GALNT18: variants seen among roughly 807,000 people sequenced by gnomAD.
The protein encoded by GALNT18 is GalNAc-transferase 18.
In GALNT18, 44 loss-of-function variants were observed where a neutral mutation model predicts 69.5. The observed-to-expected ratio is 0.63, with a 90% confidence interval of 0.50 to 0.81. GALNT18 has a LOEUF of 0.81. GALNT18 is among the 40% of genes least tolerant of loss of function. The pLI, the probability that GALNT18 is intolerant of heterozygous loss-of-function variation, is 0.00. For synonymous variants in GALNT18, 364 were observed against 318.2 expected, an observed-to-expected ratio of 1.14 and a Z score of -1.53; for missense variants, 715 against 810.0, an observed-to-expected ratio of 0.88 and a Z score of 1.42.
At position 11,435,498 on chromosome 11, in the gene GALNT18, C is replaced by T. The variant is rs951238783; in HGVS notation, c.429-2711G>A. ...GTTTTCATAAGAAAACTCATTTGAACATAGCTGAACACATTCTCTAGGGCA... is the reference window on the plus strand; with the variant it reads ...GTTTTCATAAGAAAACTCATTTGAATATAGCTGAACACATTCTCTAGGGCA... On this transcript the variant is annotated intron_variant, in intron 2 of 10. Coordinates refer to ENST00000227756, the MANE Select transcript of GALNT18 (RefSeq NM_198516.3). This position sits in a 1 kb window ranked among gnomAD's most constrained non-coding sequence, Gnocchi z 4.4. Among the ~76,000 whole-genome samples, 2 of 152,174 alleles carry T rather than the reference C, an allele frequency of 1.3e-5. No homozygotes were observed. Among genetic ancestry groups the T allele is most frequent in the African/African-American group, 4.8e-5 (2 of 41,448 alleles).
intron 1 of GALNT18, among the ~76,000 whole-genome samples, chr11:11,524,799 T>A (rs750058942): frequency 2.0e-5 from 3 of 152,236 alleles, no homozygotes; most frequent in African/African-American, 7.2e-5. Flanking sequence ...CATTGTCTAG[T>A]GAACAAACGA....
intron 3 of GALNT18, among the ~76,000 whole-genome samples, chr11:11,398,943 A>G (rs1854395197): frequency 6.6e-6 from 1 of 152,176 alleles, no homozygotes; most frequent in African/African-American, 2.4e-5. Flanking sequence ...AGAGGATAGC[A>G]GGTGCACAGG....
intron 1 of GALNT18, among the ~76,000 whole-genome samples, chr11:11,452,282 C>T (rs1413014959): frequency 1.3e-5 from 2 of 152,220 alleles, no homozygotes; most frequent in African/African-American, 4.8e-5. Flanking sequence ...CAGTTTGGTC[C>T]ACCTCACCCT....
chr11:11,397,724 G>A (rs1854367163), intron 3 of GALNT18, among the ~76,000 whole-genome samples: 1 of 150,618 alleles, frequency 6.6e-6, no homozygotes, highest in Non-Finnish European at 1.5e-5. Context: ...ACCTGCTTCA[G>A]CCTCCCAAAG....
At chr11:11,488,580 G>T (rs1856691777) in intron 1 of GALNT18, among the ~76,000 whole-genome samples, 1 of 152,180 alleles carries the variant, frequency 6.6e-6, no homozygotes, top group African/African-American at 2.4e-5. Context: ...ACATAGGGTT[G>T]TTTGGAGAGT....
chr11:11,553,319 C>G (rs1165184148), intron 1 of GALNT18, among the ~76,000 whole-genome samples: 1 of 152,196 alleles, frequency 6.6e-6, no homozygotes, highest in Non-Finnish European at 1.5e-5. Flanking sequence ...TGCAGGATTT[C>G]AGAAGACCCA....
intron 1 of GALNT18, among the ~76,000 whole-genome samples, chr11:11,589,631 C>T (rs191956927): frequency 2.2e-4 from 34 of 152,080 alleles, no homozygotes; most frequent in Admixed American, 9.8e-4. Context: ...TACAACAAGA[C>T]TCACAGCCTT....
chr11:11,380,000 G>T lies in GALNT18; in HGVS notation c.596-736C>A, dbSNP rs546677197. ...ACCTTTTTCATAGCAGCTAAGGCAA[G>T]AGCCCATGACAGCCCTCACAGTTGG... On this transcript the variant is annotated intron_variant, in intron 3 of 10. Transcript: ENST00000227756. 4.6e-5 allele frequency among the ~76,000 whole-genome samples: 7 copies of T among 152,364 alleles called. No homozygotes were observed. The South Asian group carries it at 1.0e-3, about 23-fold the overall frequency.
At position 11,372,541 on chromosome 11, in the gene GALNT18, C is replaced by T; in HGVS notation, c.1066G>A (p.Gly356Ser). The change falls in exon 6 of 11, where the codon GGC becomes AGC. Residue 356 changes from glycine to serine, a missense_variant. Transcript: ENST00000227756. This position sits in a 1 kb window ranked among gnomAD's most constrained non-coding sequence, Gnocchi z 4.9. ...LLDEGMEVYG[G>S]ENVELGIRVW... The stretch of plus-strand genomic sequence containing the variant: ...CTGATCCCAAGCTCCACATTCTCGC[C>T]CCCGTAGACTTCCATGCCTTCGTCC... 6.2e-7 allele frequency: 1 copy of T among 1,614,222 alleles called. No individual in the cohort carries two copies. The highest frequency in any genetic ancestry group is 8.5e-7 in the Non-Finnish European group (1 of 1,180,020).
chr11:11,317,020 G>A (rs938602432), intron 9 of GALNT18, among the ~76,000 whole-genome samples: 3 of 152,218 alleles, frequency 2.0e-5, no homozygotes, highest in Non-Finnish European at 4.4e-5. Flanking sequence ...ACTATTGTAT[G>A]TTTCCCACCA....
At chr11:11,416,481 G>C (rs1854859735) in intron 3 of GALNT18, among the ~76,000 whole-genome samples, 1 of 152,120 alleles carries the variant, frequency 6.6e-6, no homozygotes, top group South Asian at 2.1e-4. Context: ...ATTTGGCATG[G>C]AGCTCATGTA....
chr11:11,397,080 C>T (rs995994552), intron 3 of GALNT18, among the ~76,000 whole-genome samples: 12 of 152,016 alleles, frequency 7.9e-5, no homozygotes, highest in Admixed American at 2.6e-4. Flanking sequence ...TTGCCTTTTT[C>T]GGGGTATTTA....
intron 10 of GALNT18, among the ~76,000 whole-genome samples, chr11:11,287,924 T>C (rs1214484784): frequency 6.6e-6 from 1 of 152,130 alleles, no homozygotes; most frequent in African/African-American, 2.4e-5. Context: ...CATTGTGTAA[T>C]AACCTGCTGA....
chr11:11,565,929 G>T (rs74472568), intron 1 of GALNT18, among the ~76,000 whole-genome samples: 2 of 152,122 alleles, frequency 1.3e-5, no homozygotes, highest in African/African-American at 2.4e-5. Flanking sequence ...AAAGGAAACC[G>T]CAGGAACAAA....
At chr11:11,490,204 C>G (rs1856732467) in intron 1 of GALNT18, among the ~76,000 whole-genome samples, 1 of 15,276 alleles carries the variant, frequency 6.5e-5, no homozygotes. Context: ...CACTCATTCT[C>G]TCTCTCTCTC....
chr11:11,513,707 C>T (rs1392359731), intron 1 of GALNT18, among the ~76,000 whole-genome samples: 2 of 152,166 alleles, frequency 1.3e-5, no homozygotes, highest in African/African-American at 4.8e-5. Flanking sequence ...GTTTATTTCC[C>T]GGGACGTTTA....
chr11:11,532,100 T>G (rs1292647484), intron 1 of GALNT18, among the ~76,000 whole-genome samples: 1 of 152,070 alleles, frequency 6.6e-6, no homozygotes, highest in African/African-American at 2.4e-5. Flanking sequence ...TTTCTCCCAT[T>G]CTGACACCAT....
rs1291162251 is a variant in GALNT18, at chr11:11,584,074, G to A, written c.235+37285C>T. 6.6e-6 allele frequency among the ~76,000 whole-genome samples: 1 copy of A among 152,116 alleles called. No homozygotes were observed. Among genetic ancestry groups the A allele is most frequent in the African/African-American group, 2.4e-5 (1 of 41,508 alleles). On this transcript the variant is annotated intron_variant, in intron 1 of 10. Coordinates refer to ENST00000227756, the MANE Select transcript of GALNT18 (RefSeq NM_198516.3). The surrounding 1 kb of genome is among the most constrained non-coding windows in gnomAD (Gnocchi z 4.1). ...ACAGATTTAAGCTTTGAAAACTGTG[G>A]TCAAGCAGAAAAGAGATAAGAGGAC...
At chr11:11,301,068 G>C (rs4910305) in intron 9 of GALNT18, among the ~76,000 whole-genome samples, 100,072 of 151,914 alleles carry the variant, frequency 0.66, 33,635 homozygotes, top group Admixed American at 0.78. Context: ...AGGCAGGGAC[G>C]AGGGTATCCA....
Sources: allele counts gnomAD v4.1 joint callset (sites outside exome capture counted in the v4.1 genomes callset), GRCh38; gene constraint gnomAD v4.1.1; non-coding constraint Gnocchi (gnomAD v3.1); transcripts MANE v1.5; gene names NCBI Gene and HGNC (gene_info 2026-07-23, HGNC 2026-07-21).